The following MYO5B variants were observed in gnomAD, a reference collection of about 807,000 sequenced individuals.
The protein encoded by MYO5B is unconventional myosin-Vb.
Under a neutral mutation model 229.3 loss-of-function variants are expected in MYO5B, and 143 were observed. The observed-to-expected ratio is 0.62, with a 90% CI of 0.54 to 0.72. MYO5B has a LOEUF of 0.72. Among genes scored for constraint, MYO5B ranks in the 30% least tolerant of loss-of-function variants. The probability of loss-of-function intolerance (pLI) is 0.00; values close to 1 mark genes in which losing one functional copy is unlikely to be tolerated. For missense variants in MYO5B, 2,321 were observed against 2,331.0 expected, an observed-to-expected ratio of 1.00 and a Z score of 0.09; for synonymous variants, 918 against 885.2, an observed-to-expected ratio of 1.04 and a Z score of -0.66.
At chr18:50,077,311 A>G (rs1035202432) in intron 1 of MYO5B, among the ~76,000 whole-genome samples, 1 of 151,906 alleles carries the variant, frequency 6.6e-6, no homozygotes, top group Non-Finnish European at 1.5e-5. Context: ...ATAGCTTTGC[A>G]CATAAACAGG....
intron 32 of MYO5B, among the ~76,000 whole-genome samples, chr18:49,848,133 T>G (rs1054173160): frequency 2.6e-5 from 4 of 152,216 alleles, no homozygotes; most frequent in African/African-American, 9.7e-5. Context: ...TACAATGGCA[T>G]GCTTAATCTG....
chr18:50,044,901 GA>G (rs34259570), intron 2 of MYO5B, among the ~76,000 whole-genome samples: 1 of 151,176 alleles, frequency 6.6e-6, no homozygotes, highest in Non-Finnish European at 1.5e-5. Flanking sequence ...TAGGAGGGGG[GA>G]AAAAGGAGGG....
At chr18:50,015,412 C>G (rs886508834) in intron 4 of MYO5B, among the ~76,000 whole-genome samples, 1 of 152,094 alleles carries the variant, frequency 6.6e-6, no homozygotes, top group African/African-American at 2.4e-5. Flanking sequence ...TAAATTTTTT[C>G]TTAAACTATT....
chr18:50,063,768 A>G (rs1376022161), intron 1 of MYO5B: 2 of 152,260 alleles, frequency 1.3e-5, no homozygotes, highest in Non-Finnish European at 2.9e-5. Context: ...AAAAGAGTCA[A>G]CTTTCTGTGA....
chr18:50,037,465 A>G (rs975344376), intron 3 of MYO5B, among the ~76,000 whole-genome samples: 1 of 152,248 alleles, frequency 6.6e-6, no homozygotes, highest in African/African-American at 2.4e-5. Context: ...CAATTTACAT[A>G]TCTTGAGATC....
At chr18:50,066,171 T>C (rs557735797) in intron 1 of MYO5B, among the ~76,000 whole-genome samples, 6 of 152,192 alleles carry the variant, frequency 3.9e-5, no homozygotes, top group Non-Finnish European at 7.4e-5. Context: ...GGAGTGTATA[T>C]GGAAGAATTA....
intron 22 of MYO5B, among the ~76,000 whole-genome samples, chr18:49,886,007 C>T (rs1047327280): frequency 1.3e-5 from 2 of 151,780 alleles, no homozygotes; most frequent in South Asian, 4.2e-4. Context: ...GGTGAGATCT[C>T]GGTTCACTGC....
In MYO5B at chr18:49,843,490, C is replaced by T; in HGVS notation, c.4460-98G>A. On this transcript the variant is annotated intron_variant, in intron 33 of 39. Transcript: ENST00000285039. ...TGAATAGACGTGTTTTCAATATTTC[C>T]CCATAGCTCATCTAGGAATAGATGT... 5 of 1,437,850 alleles carry T rather than the reference C, an allele frequency of 3.5e-6. No homozygotes were observed. The South Asian group carries it at 5.8e-5, about 17-fold the overall frequency. The allele number at this position is 1,437,850 out of a possible 1,614,324, so 89.1% of individuals were successfully genotyped here.
chr18:49,876,438 G>A (rs1307115066), intron 25 of MYO5B, among the ~76,000 whole-genome samples: 2 of 152,228 alleles, frequency 1.3e-5, no homozygotes, highest in Non-Finnish European at 2.9e-5. Flanking sequence ...CTATCTGCCT[G>A]TGAATGGGTA....
chr18:49,879,211 T>C (rs1248491441), intron 23 of MYO5B, 121 bp from the exon 24 acceptor site: 2 of 1,219,842 alleles, frequency 1.6e-6, no homozygotes, highest in Non-Finnish European at 2.4e-6. Context: ...CAGAGGCTCT[T>C]GATGAATCTA....
chr18:49,912,685 C>T (rs2024971741), intron 17 of MYO5B, among the ~76,000 whole-genome samples: 1 of 152,124 alleles, frequency 6.6e-6, no homozygotes, highest in South Asian at 2.1e-4. Flanking sequence ...TTTGCTCCTC[C>T]TTTGTCTTCC....
rs2032965151 is a variant in MYO5B at position 50,174,421 on chromosome 18, G to C, written c.27+20346C>G. 6.6e-5 allele frequency among the ~76,000 whole-genome samples: 10 copies of C among 152,270 alleles called. No individual in the cohort carries two copies. In the South Asian group the frequency reaches 2.1e-3, roughly 32 times the overall value. On this transcript the variant is annotated intron_variant, in intron 1 of 39. Coordinates refer to ENST00000285039, the MANE Select transcript of MYO5B (RefSeq NM_001080467.3). ...CCAGGATGTCATGTGCTAGAACCCTGACATCAGGGATGGAAGCCCTGCATT... is the reference window on the plus strand; with the variant it reads ...CCAGGATGTCATGTGCTAGAACCCTCACATCAGGGATGGAAGCCCTGCATT...
At chr18:49,899,475 TAA>T (rs2024816820) in intron 21 of MYO5B, among the ~76,000 whole-genome samples, 1 of 152,184 alleles carries the variant, frequency 6.6e-6, no homozygotes, top group South Asian at 2.1e-4. Flanking sequence ...AAACTAAGGC[TAA>T]GAGTCTCCCT....
At chr18:49,984,592 G>T in intron 8 of MYO5B, 126 bp downstream of exon 8, 1 of 759,910 alleles carries the variant, frequency 1.3e-6, no homozygotes. Context: ...CATTCACCAG[G>T]GGCAAGAGGG....
At chr18:49,842,817 G>A (rs2024075774) in intron 34 of MYO5B, among the ~76,000 whole-genome samples, 1 of 152,176 alleles carries the variant, frequency 6.6e-6, no homozygotes, top group African/African-American at 2.4e-5. Context: ...TTACCCCCCA[G>A]GGAAGCAAGC....
intron 1 of MYO5B, among the ~76,000 whole-genome samples, chr18:50,169,005 G>A (rs1380355467): frequency 7.9e-6 from 1 of 125,870 alleles, no homozygotes; most frequent in Non-Finnish European, 1.7e-5. Context: ...GAGAGAGAAG[G>A]GCGAAAAAGC....
intron 4 of MYO5B, among the ~76,000 whole-genome samples, chr18:50,023,020 G>A (rs1490803375): frequency 6.6e-6 from 1 of 152,148 alleles, no homozygotes; most frequent in Non-Finnish European, 1.5e-5. Flanking sequence ...GGCAGGATGG[G>A]AGGTGGAATT....
intron 1 of MYO5B, among the ~76,000 whole-genome samples, chr18:50,146,775 G>C (rs1359027871): frequency 6.6e-6 from 1 of 152,238 alleles, no homozygotes; most frequent in Admixed American, 6.5e-5. Flanking sequence ...TGTGAACAAA[G>C]TGTAATCCAT....
chr18:50,115,120 C>T (rs910958309), intron 1 of MYO5B, among the ~76,000 whole-genome samples: 1 of 152,220 alleles, frequency 6.6e-6, no homozygotes, highest in Non-Finnish European at 1.5e-5. Context: ...ACTGTGCCTT[C>T]CTCCTCTCTG....
Sources: gnomAD v4.1 joint callset for allele counts (sites outside exome capture counted in the v4.1 genomes callset) on GRCh38, gnomAD v4.1.1 for gene constraint, MANE v1.5 for transcripts, NCBI Gene and HGNC (gene_info 2026-07-23, HGNC 2026-07-21) for gene names.